The following ZNF618 variants were observed in gnomAD, a reference collection of about 807,000 sequenced individuals.
ZNF618 encodes neural precursor cell expressed, developmentally down-regulated 10.
A neutral mutation model predicts 103.0 loss-of-function variants in ZNF618; 34 were observed. That is an observed-to-expected ratio of 0.33 (90% CI 0.25 to 0.44). The LOEUF is 0.44. ZNF618 is among the 20% of genes least tolerant of loss of function. The pLI is 1.00. For missense variants in ZNF618, 1,059 were observed against 1,295.4 expected (o/e 0.82, Z 2.80); for synonymous variants, 551 against 542.2 (o/e 1.02, Z -0.23).
At chr9:113,953,733 G>T (rs966630971) in intron 1 of ZNF618, among the ~76,000 whole-genome samples, 1 of 152,132 alleles carries the variant, frequency 6.6e-6, no homozygotes, top group Non-Finnish European at 1.5e-5. Flanking sequence ...CAGGCTTCCG[G>T]GAACCTGAGT....
At chr9:114,048,197 G>A (rs1845826241) in intron 14 of ZNF618, among the ~76,000 whole-genome samples, 1 of 152,198 alleles carries the variant, frequency 6.6e-6, no homozygotes, top group African/African-American at 2.4e-5. Flanking sequence ...GGGAGAGGAG[G>A]TGACTTTTTT....
intron 1 of ZNF618, among the ~76,000 whole-genome samples, chr9:113,903,701 G>A (rs1830740890): frequency 6.6e-6 from 1 of 152,030 alleles, no homozygotes; most frequent in African/African-American, 2.4e-5. Context: ...AGAATTCGAG[G>A]TTGACAGGGT....
chr9:114,038,793 C>T lies in ZNF618; in HGVS notation c.1246+2416C>T, dbSNP rs141723663. Among the ~76,000 whole-genome samples the T allele has an allele frequency of 2.2e-3, 336 of 152,268 alleles. 1 individual carries two copies. Among genetic ancestry groups the T allele is most frequent in the African/African-American group, 7.8e-3 (326 of 41,550 alleles). ...CAGATCTTCCTGATTAGGTAGTTGACGTTTTCATCCCCATTATGCAGATGA... is the reference window on the plus strand; with the variant it reads ...CAGATCTTCCTGATTAGGTAGTTGATGTTTTCATCCCCATTATGCAGATGA... On this transcript the variant is annotated intron_variant, in intron 13 of 14. Transcript: ENST00000374126.
At chr9:114,004,593 G>C (rs995352167) in intron 6 of ZNF618, among the ~76,000 whole-genome samples, 5 of 152,142 alleles carry the variant, frequency 3.3e-5, no homozygotes, top group African/African-American at 1.2e-4. Flanking sequence ...TAGTCCTTCC[G>C]TCACTTTTCC....
At chr9:114,017,146 G>A (rs143819246) in intron 10 of ZNF618, among the ~76,000 whole-genome samples, 5 of 152,276 alleles carry the variant, frequency 3.3e-5, no homozygotes, top group Admixed American at 6.5e-5. Flanking sequence ...AGCCAGTTCC[G>A]CATGATGCAG....
intron 1 of ZNF618, among the ~76,000 whole-genome samples, chr9:113,901,897 T>C (rs1315243491): frequency 1.3e-5 from 2 of 152,138 alleles, no homozygotes. Context: ...GCTGGGATAC[T>C]AAGTGTGTCG....
intron 1 of ZNF618, among the ~76,000 whole-genome samples, chr9:113,923,783 G>GTA (rs1411810959): frequency 2.6e-5 from 4 of 152,030 alleles, no homozygotes; most frequent in Admixed American, 6.5e-5. Context: ...TACAGATTGA[G>GTA]TATCCCTTAT....
In ZNF618 at chr9:114,050,231, A is replaced by G. The variant is rs1846033118; in HGVS notation, c.*64A>G. 2 of 1,479,774 alleles carry G rather than the reference A, an allele frequency of 1.4e-6. No individual in the cohort carries two copies. The highest frequency in any genetic ancestry group is 2.3e-5 in the Admixed American group (1 of 43,892). The allele number at this position is 1,479,774 out of a possible 1,614,324, so 91.7% of individuals were successfully genotyped here. A position where few individuals can be genotyped will look rare whatever the true frequency, so the allele number is the denominator to read the frequency against. ...TAACATTAGAAAAAAACCACACAAC[A>G]CTGTCACAAAGAAAAGGAATTTAAG... On this transcript the variant is annotated 3_prime_UTR_variant, in exon 15 of 15. Transcript: ENST00000374126.
intron 1 of ZNF618, among the ~76,000 whole-genome samples, chr9:113,902,497 C>T (rs764474194): frequency 2.0e-5 from 3 of 152,118 alleles, no homozygotes; most frequent in Non-Finnish European, 4.4e-5. Flanking sequence ...ACCTCCAAGC[C>T]GCTTATTCTA....
Position 113,901,817 on chromosome 9 carries a change from C to T in ZNF618, c.33+25404C>T, listed in dbSNP as rs10981998. Among the ~76,000 whole-genome samples, 107 of 152,220 alleles carry T rather than the reference C, an allele frequency of 7.0e-4. No homozygotes were observed. The East Asian group carries it at 0.018, about 26-fold the overall frequency. ...TCCCTAATCCTCTGAGTCTTTTATT[C>T]CAAACTCCTGTTCTCCGGACTATTT... On this transcript the variant is annotated intron_variant, in intron 1 of 14. Transcript: ENST00000374126.
At chr9:113,930,961 G>A (rs949243856) in intron 1 of ZNF618, among the ~76,000 whole-genome samples, 8 of 152,220 alleles carry the variant, frequency 5.3e-5, no homozygotes, top group African/African-American at 1.7e-4. Context: ...ATTAAATTGT[G>A]TGATAATTAC....
chr9:113,893,992 A>G (rs1829828465), intron 1 of ZNF618, among the ~76,000 whole-genome samples: 1 of 152,318 alleles, frequency 6.6e-6, no homozygotes, highest in Non-Finnish European at 1.5e-5. Context: ...TTTATGTTCA[A>G]TGAGGAGAAC....
intron 6 of ZNF618, among the ~76,000 whole-genome samples, 190 bp from the exon 7 acceptor site, chr9:114,007,160 G>T (rs939574136): frequency 6.6e-6 from 1 of 152,072 alleles, no homozygotes; most frequent in Non-Finnish European, 1.5e-5. Context: ...CGGCCCTCCC[G>T]GCTGTGCCCT....
intron 1 of ZNF618, among the ~76,000 whole-genome samples, chr9:113,904,244 T>C (rs1177020605): frequency 6.6e-6 from 1 of 152,058 alleles, no homozygotes; most frequent in Non-Finnish European, 1.5e-5. Context: ...CCAGGCATTG[T>C]ATTTTTCATC....
At chr9:114,000,847 C>T (rs914977017) in intron 4 of ZNF618, among the ~76,000 whole-genome samples, 2 of 152,194 alleles carry the variant, frequency 1.3e-5, no homozygotes, top group Non-Finnish European at 2.9e-5. Flanking sequence ...GAGGCCCAGC[C>T]AGTAAATGAC....
chr9:114,008,452 C>T (rs1841951353), intron 8 of ZNF618, 25 bp from the exon 9 acceptor site: 5 of 1,613,830 alleles, frequency 3.1e-6, no homozygotes, highest in East Asian at 2.2e-5. Flanking sequence ...GACCAGGGTG[C>T]TAAGGGCCGT....
In ZNF618 at chr9:113,988,304, A is replaced by T. The variant is rs144981299; in HGVS notation, c.78-17A>T. ...TCTGGAGGAAGAAGGTATTGAACGG[A>T]GTTTCTTCTTTCCCAGGGAGCGCTT... On this transcript the variant is annotated splice_polypyrimidine_tract_variant and intron_variant, in intron 2 of 14. Transcript: ENST00000374126. 1.8e-4 allele frequency: 297 copies of T among 1,606,144 alleles called. No individual in the cohort carries two copies. Among genetic ancestry groups the T allele is most frequent in the Non-Finnish European group, 2.4e-4 (286 of 1,177,056 alleles).
chr9:113,890,988 C>A (rs1006888641), intron 1 of ZNF618, among the ~76,000 whole-genome samples: 2 of 152,080 alleles, frequency 1.3e-5, no homozygotes, highest in African/African-American at 4.8e-5. Context: ...AAGAAAAGCT[C>A]TTTGGATTTT....
chr9:113,884,162 A>G (rs1242720703), intron 1 of ZNF618, among the ~76,000 whole-genome samples: 2 of 151,994 alleles, frequency 1.3e-5, no homozygotes, highest in African/African-American at 4.8e-5. Context: ...AGTCCTGTAA[A>G]TGGGGGAGGG....
Sources: gnomAD v4.1 joint callset for allele counts (sites outside exome capture counted in the v4.1 genomes callset) on GRCh38, gnomAD v4.1.1 for gene constraint, MANE v1.5 for transcripts, NCBI Gene and HGNC (gene_info 2026-07-23, HGNC 2026-07-21) for gene names.